Variants in FAM83F observed in about 807,000 individuals in gnomAD.
FAM83F encodes protein FAM83F.
A neutral mutation model predicts 42.9 loss-of-function variants in FAM83F; 45 were observed. The observed-to-expected ratio is 1.05, with a 90% CI of 0.83 to 1.35. FAM83F has a LOEUF of 1.35. Among genes scored for constraint, FAM83F ranks in the 40% most tolerant of loss-of-function variants. The pLI, the probability that FAM83F is intolerant of heterozygous loss-of-function variation, is 0.00. For synonymous variants in FAM83F, 306 were observed against 298.3 expected (o/e 1.03, Z -0.27); for missense variants, 617 against 695.9 (o/e 0.89, Z 1.28).
At chr22:40,013,610 A>G (rs2067478654) in intron 1 of FAM83F, among the ~76,000 whole-genome samples, 2 of 152,164 alleles carry the variant, frequency 1.3e-5, no homozygotes, top group Admixed American at 1.3e-4. Flanking sequence ...TTCTTTTTCA[A>G]AATGGATGTA....
In FAM83F at chr22:40,021,534, C is replaced by T. The variant is rs770937456; in HGVS notation, c.1024C>T (p.Arg342Cys). 22 of 1,569,284 alleles carry T rather than the reference C, an allele frequency of 1.4e-5. No homozygotes were observed. The highest frequency in any genetic ancestry group is 1.7e-4 in the Middle Eastern group (1 of 5,856). ...CCGCCACCCGCCTGGGGAGATGATG[C>T]GCTGGGCTGCCCGGCAACAGCGGGA... ...GCRHPPGEMM[R>C]WAARQQREAG... is the part of the protein sequence containing the mutation. The change falls in exon 4 of 5, where the codon CGC becomes TGC. Residue 342 changes from arginine to cysteine, a missense_variant. Transcript: ENST00000333407. The surrounding 1 kb of genome is among the most constrained non-coding windows in gnomAD (Gnocchi z 8.7).
intron 1 of FAM83F, among the ~76,000 whole-genome samples, chr22:40,017,561 C>T (rs1056761080): frequency 1.3e-5 from 2 of 152,224 alleles, no homozygotes; most frequent in Non-Finnish European, 2.9e-5. Context: ...TGGTGCATCT[C>T]ACTAAGTCCT....
intron 4 of FAM83F, 50 bp downstream of exon 4, chr22:40,022,013 GC>G (rs1327768537): frequency 1.4e-6 from 2 of 1,454,570 alleles, no homozygotes; most frequent in Admixed American, 2.4e-5. Context: ...TCTGGCCCTC[GC>G]CCCGCATCGG....
In FAM83F at chr22:40,034,647, C is replaced by T. The variant is rs1305827488; in HGVS notation, c.*5082C>T. ...CACCTGCCTGGCTCAGCTCTGCAGC[C>T]ACAATATATGCTTAATACCTATTTG... On this transcript the variant is annotated 3_prime_UTR_variant, in exon 5 of 5. Transcript: ENST00000333407. 1 of 152,226 alleles carries T rather than the reference C, an allele frequency of 6.6e-6. No homozygotes were observed. Among genetic ancestry groups the T allele is most frequent in the Non-Finnish European group, 1.5e-5 (1 of 68,050 alleles). 9.4% of individuals were successfully genotyped at this position (152,226 alleles called of 1,614,324 possible).
At chr22:40,024,605 C>T (rs1203963320) in intron 4 of FAM83F, among the ~76,000 whole-genome samples, 8 of 152,192 alleles carry the variant, frequency 5.3e-5, no homozygotes, top group Admixed American at 2.0e-4. Context: ...AGGACACATC[C>T]GTCCCCTCCC....
rs546091162 is a variant in FAM83F, at chr22:40,006,393, C to T, written c.489+10862C>T. ...ATCGATGGCAGGGCTCTGTCCCCCA[C>T]CCCTCCTGGATAGATGGGGAGACAC... On this transcript the variant is annotated intron_variant, in intron 1 of 4. Transcript: ENST00000333407. Among the ~76,000 whole-genome samples, 83 of 152,360 alleles carry T rather than the reference C, an allele frequency of 5.4e-4. 1 individual carries two copies. The highest frequency in any genetic ancestry group is 1.6e-4 in the Non-Finnish European group (11 of 68,034).
chr22:40,021,816 A>G lies in FAM83F; in HGVS notation c.1306A>G (p.Arg436Gly), dbSNP rs5995794. Reference sequence around the variant, plus strand: ...GGCCCGGGGGGAGGCCGCCCCCGCCAGGCGCTTCAGCAGCAGGCTCTTCAG... The same window carrying G: ...GGCCCGGGGGGAGGCCGCCCCCGCCGGGCGCTTCAGCAGCAGGCTCTTCAG... ...EAARGEAAPA[R>G]RFSSRLFSRR... is the part of the protein sequence containing the mutation. Residue 436 changes from arginine to glycine, a missense_variant, in exon 4 of 5, where the codon AGG (arginine) becomes GGG (glycine). Coordinates refer to ENST00000333407, the MANE Select transcript of FAM83F (RefSeq NM_138435.4). This position sits in a 1 kb window ranked among gnomAD's most constrained non-coding sequence, Gnocchi z 8.7. The G allele has an allele frequency of 0.28, 448,868 of 1,612,096 alleles. 65,583 individuals carry two copies. Among genetic ancestry groups the G allele is most frequent in the South Asian group, 0.42 (38,061 of 91,028 alleles).
intron 4 of FAM83F, among the ~76,000 whole-genome samples, chr22:40,027,757 G>C (rs1004152925): frequency 1.3e-5 from 2 of 152,236 alleles, no homozygotes; most frequent in African/African-American, 4.8e-5. Context: ...TGGGGAGCAT[G>C]GTGCTGGTGA....
chr22:40,020,156 C>A, intron 3 of FAM83F, 148 bp downstream of exon 3: 2 of 1,191,424 alleles, frequency 1.7e-6, no homozygotes, highest in Non-Finnish European at 2.3e-6. Context: ...TGCCCAGTCC[C>A]TTCCCTCAAA....
In FAM83F at chr22:40,043,212, G is replaced by A. The variant is rs1053941221; in HGVS notation, c.*13647G>A. On this transcript the variant is annotated 3_prime_UTR_variant, in exon 5 of 5. Transcript: ENST00000333407. ...TTGGATCAGGAAGTGAAACAAGGGCGGTGATCCCACTGAAGCTACAGGGGA... is the reference window on the plus strand; with the variant it reads ...TTGGATCAGGAAGTGAAACAAGGGCAGTGATCCCACTGAAGCTACAGGGGA... 1 of 152,196 alleles carries A rather than the reference G, an allele frequency of 6.6e-6. No individual in the cohort carries two copies. Among genetic ancestry groups the A allele is most frequent in the Non-Finnish European group, 1.5e-5 (1 of 68,032 alleles). 9.4% of individuals were successfully genotyped at this position (152,196 alleles called of 1,614,324 possible). A position where few individuals can be genotyped will look rare whatever the true frequency, so the allele number is the denominator to read the frequency against.
At chr22:40,006,541 C>G (rs942849645) in intron 1 of FAM83F, among the ~76,000 whole-genome samples, 1 of 152,232 alleles carries the variant, frequency 6.6e-6, no homozygotes, top group African/African-American at 2.4e-5. Context: ...GAAACAAGGA[C>G]CTCAACAAAG....
chr22:40,012,261 A>C (rs1469383678), intron 1 of FAM83F, among the ~76,000 whole-genome samples: 3 of 151,720 alleles, frequency 2.0e-5, no homozygotes, highest in Non-Finnish European at 2.9e-5. Context: ...CAGCCTCCCG[A>C]GTAGCTGGGA....
chr22:40,000,233 C>T (rs1172882718), intron 1 of FAM83F, among the ~76,000 whole-genome samples: 2 of 152,126 alleles, frequency 1.3e-5, no homozygotes, highest in African/African-American at 4.8e-5. Flanking sequence ...GAAGAATGCT[C>T]TAAATTGGGG....
intron 1 of FAM83F, among the ~76,000 whole-genome samples, chr22:40,004,705 T>C (rs2067419328): frequency 6.6e-6 from 1 of 152,236 alleles, no homozygotes; most frequent in South Asian, 2.1e-4. Context: ...TCTAAAGTGC[T>C]GGGATTACAG....
chr22:39,999,346 T>C lies in FAM83F; in HGVS notation c.489+3815T>C, dbSNP rs144887263. ...CCCTTGTGACCAGCGGCATCCAATT[T>C]TGAGGCTGCTGGGCGGATTTAGAGA... is the stretch of plus-strand genomic sequence containing the variant. On this transcript the variant is annotated intron_variant, in intron 1 of 4. Transcript: ENST00000333407. 2.5e-3 allele frequency among the ~76,000 whole-genome samples: 375 copies of C among 152,314 alleles called. 2 individuals carry two copies. The highest frequency in any genetic ancestry group is 0.017 in the Middle Eastern group (5 of 294).
At chr22:40,002,109 A>G (rs144337024) in intron 1 of FAM83F, among the ~76,000 whole-genome samples, 44 of 152,316 alleles carry the variant, frequency 2.9e-4, no homozygotes, top group African/African-American at 1.0e-3. Flanking sequence ...TGGCATGGGC[A>G]GAGAGGGATA....
At chr22:40,012,449 A>G (rs2067470590) in intron 1 of FAM83F, among the ~76,000 whole-genome samples, 1 of 151,872 alleles carries the variant, frequency 6.6e-6, no homozygotes, top group Non-Finnish European at 1.5e-5. Context: ...CTTTGTTTTA[A>G]TTTGAATTTT....
chr22:40,008,322 C>A (rs932522798), intron 1 of FAM83F, among the ~76,000 whole-genome samples: 1 of 152,220 alleles, frequency 6.6e-6, no homozygotes, highest in African/African-American at 2.4e-5. Context: ...TTTCTCGCCC[C>A]CTCTCCTGAA....
At chr22:40,015,697 A>G (rs2067489170) in intron 1 of FAM83F, among the ~76,000 whole-genome samples, 1 of 152,176 alleles carries the variant, frequency 6.6e-6, no homozygotes, top group African/African-American at 2.4e-5. Flanking sequence ...CGTCCTTCAC[A>G]GTTCAGCTTC....
Sources: gnomAD v4.1 joint callset for allele counts (sites outside exome capture counted in the v4.1 genomes callset) on GRCh38, gnomAD v4.1.1 for gene constraint, Gnocchi (gnomAD v3.1) non-coding constraint, MANE v1.5 for transcripts, NCBI Gene and HGNC (gene_info 2026-07-23, HGNC 2026-07-21) for gene names.